Variants in NUDT13 observed in about 807,000 individuals in gnomAD.
The protein encoded by NUDT13 is NAD(P)H pyrophosphatase NUDT13, mitochondrial.
NUDT13 carries 40 observed loss-of-function variants against 41.7 expected under a neutral mutation model. The observed-to-expected ratio is 0.96, with a 90% CI of 0.75 to 1.25. NUDT13 has a LOEUF of 1.25. Ranked by LOEUF, NUDT13 falls within the 50% of genes most tolerant of loss-of-function variation. The pLI is 0.00. For missense variants in NUDT13, 390 were observed against 416.1 expected, an observed-to-expected ratio of 0.94 and a Z score of 0.55; for synonymous variants, 145 against 155.5, an observed-to-expected ratio of 0.93 and a Z score of 0.50.
intron 5 of NUDT13, chr10:73,124,742 A>AT (rs977070058): frequency 2.7e-4 from 56 of 205,724 alleles, no homozygotes; most frequent in African/African-American, 1.3e-3. Flanking sequence ...ACCTCTAAAC[A>AT]TTTTTTTAGT....
intron 1 of NUDT13, among the ~76,000 whole-genome samples, chr10:73,113,801 G>A (rs1564647316): frequency 1.3e-5 from 2 of 152,160 alleles, no homozygotes; most frequent in East Asian, 3.8e-4. Flanking sequence ...TAGTGTCAAA[G>A]CTGGCTTTCC....
intron 5 of NUDT13, 54 bp from the exon 6 acceptor site, chr10:73,125,064 A>G: frequency 6.4e-7 from 1 of 1,550,690 alleles, no homozygotes; most frequent in Non-Finnish European, 8.7e-7. Flanking sequence ...GTGCTGTTAA[A>G]GATGAGCCCC....
At position 73,114,272 on chromosome 10, in the gene NUDT13, G is replaced by C. The variant is rs891401952; in HGVS notation, c.-9-85G>C. The C allele has an allele frequency of 5.5e-6, 3 of 542,272 alleles. No individual in the cohort carries two copies. The African/African-American group carries it at 5.8e-5, about 10-fold the overall frequency. 33.6% of individuals were successfully genotyped at this position (542,272 alleles called of 1,614,324 possible). A position where few individuals can be genotyped will look rare whatever the true frequency, so the allele number is the denominator to read the frequency against. ...AATATTACAGAGTGATCCCATTCTGGCTTAAAGTATAACCCTCTTGGCAAT... is the reference window on the plus strand; with the variant it reads ...AATATTACAGAGTGATCCCATTCTGCCTTAAAGTATAACCCTCTTGGCAAT... On this transcript the variant is annotated intron_variant, in intron 1 of 8. Transcript: ENST00000357321.
intron 2 of NUDT13, chr10:73,119,488 T>G (rs1445672814): frequency 1.0e-6 from 1 of 985,772 alleles, no homozygotes; most frequent in African/African-American, 1.7e-5. Context: ...TGTTTACTCT[T>G]TGTCTGCTGT....
intron 4 of NUDT13, among the ~76,000 whole-genome samples, chr10:73,123,898 A>G (rs1460505852): frequency 6.6e-6 from 1 of 152,002 alleles, no homozygotes; most frequent in African/African-American, 2.4e-5. Context: ...ACCTCAAGTG[A>G]TTCACCCGCC....
chr10:73,124,911 C>A, intron 5 of NUDT13: 1 of 484,160 alleles, frequency 2.1e-6, no homozygotes, highest in South Asian at 4.4e-5. Flanking sequence ...TAAAAATATG[C>A]TTTCTTTTAT....
At chr10:73,126,516 C>A in intron 7 of NUDT13, 157 bp from the exon 8 acceptor site, 1 of 745,204 alleles carries the variant, frequency 1.3e-6, no homozygotes, top group Non-Finnish European at 2.1e-6. Context: ...AGCTCTGGAC[C>A]TGATTCTTAT....
intron 7 of NUDT13, chr10:73,126,158 GT>G: frequency 3.5e-6 from 1 of 281,988 alleles, no homozygotes; most frequent in African/African-American, 2.2e-5. Context: ...TGTTGGGTGT[GT>G]TATAAACAGA....
Position 73,130,958 on chromosome 10 carries a change from A to T in NUDT13, c.*55A>T. On this transcript the variant is annotated 3_prime_UTR_variant, in exon 9 of 9. Transcript: ENST00000357321. Reference sequence around the variant, plus strand: ...GGTATTCCTGAGGGACAAACTAGAGATCAGTTGACAAAGGAGAAGTGACAA... The same window carrying T: ...GGTATTCCTGAGGGACAAACTAGAGTTCAGTTGACAAAGGAGAAGTGACAA... The T allele has an allele frequency of 1.4e-6, 2 of 1,452,310 alleles. No homozygotes were observed. Among genetic ancestry groups the T allele is most frequent in the Non-Finnish European group, 1.9e-6 (2 of 1,038,044 alleles). The allele number at this position is 1,452,310 out of a possible 1,614,324, so 90.0% of individuals were successfully genotyped here. A position where few individuals can be genotyped will look rare whatever the true frequency, so the allele number is the denominator to read the frequency against.
intron 8 of NUDT13, chr10:73,130,344 T>C (rs1842886839): frequency 6.6e-6 from 1 of 152,356 alleles, no homozygotes; most frequent in Admixed American, 6.6e-5. Flanking sequence ...GCGCCTGTAG[T>C]CCCAGCTACT....
chr10:73,125,288 C>T (rs760775909), intron 6 of NUDT13, 45 bp downstream of exon 6: 1 of 1,603,522 alleles, frequency 6.2e-7, no homozygotes, highest in Non-Finnish European at 8.5e-7. Flanking sequence ...AGACTGTGCG[C>T]TGCTTTGTCC....
intron 7 of NUDT13, 37 bp downstream of exon 7, chr10:73,125,546 G>A (rs1842751925): frequency 7.6e-7 from 1 of 1,317,542 alleles, no homozygotes; most frequent in African/African-American, 1.5e-5. Flanking sequence ...GACACTGGAA[G>A]ATATACAATC....
chr10:73,130,505 CAT>C (rs1391536583), intron 8 of NUDT13, 196 bp from the exon 9 acceptor site: 1 of 425,342 alleles, frequency 2.4e-6, no homozygotes, highest in South Asian at 2.2e-5. Context: ...CACACACACA[CAT>C]ATAAAACTCT....
chr10:73,130,812 T>A lies in NUDT13; in HGVS notation c.968T>A (p.Phe323Tyr), dbSNP rs766688649. 2 of 1,612,880 alleles carry A rather than the reference T, an allele frequency of 1.2e-6. No individual in the cohort carries two copies. The highest frequency in any genetic ancestry group is 1.7e-5 in the Admixed American group (1 of 59,986). The change falls in exon 9 of 9, where the codon TTC (phenylalanine) becomes TAC (tyrosine). Residue 323 changes from phenylalanine (F) to tyrosine (Y), a missense_variant. Transcript: ENST00000357321. ...GPYTQQQNGTFPFWLPPKLAI... is the reference protein window; with the variant it reads ...GPYTQQQNGTYPFWLPPKLAI... ...TATACTCAGCAACAGAATGGGACTT[T>A]CCCATTCTGGCTGCCCCCTAAGTTA...
intron 1 of NUDT13, 53 bp downstream of exon 1, chr10:73,110,620 C>T (rs1004785393): frequency 2.0e-5 from 3 of 152,174 alleles, no homozygotes; most frequent in Admixed American, 1.3e-4. Context: ...GGAAGGACTT[C>T]ACAGGGAGGC....
intron 8 of NUDT13, among the ~76,000 whole-genome samples, chr10:73,129,675 TAA>T (rs568746029): frequency 1.7e-4 from 23 of 135,262 alleles, no homozygotes; most frequent in East Asian, 4.3e-4. Flanking sequence ...CCTTACCCTT[TAA>T]AAAAAAAAAA....
At chr10:73,114,554 A>G in intron 2 of NUDT13, 106 bp downstream of exon 2, 2 of 326,324 alleles carry the variant, frequency 6.1e-6, no homozygotes, top group Non-Finnish European at 1.1e-5. Context: ...TTATATATAC[A>G]TTATATATTA....
chr10:73,124,029 T>A (rs1383792617), intron 4 of NUDT13, among the ~76,000 whole-genome samples, 185 bp from the exon 5 acceptor site: 1 of 151,010 alleles, frequency 6.6e-6, no homozygotes, highest in Admixed American at 6.6e-5. Context: ...GAACTCCTAA[T>A]GGCCTCAAGC....
At chr10:73,119,771 G>T (rs1842598281) in intron 2 of NUDT13, among the ~76,000 whole-genome samples, 1 of 152,196 alleles carries the variant, frequency 6.6e-6, no homozygotes, top group South Asian at 2.1e-4. Flanking sequence ...AGAGGAGACA[G>T]ACAAATGAAC....
Sources: gnomAD v4.1 joint callset for allele counts (sites outside exome capture counted in the v4.1 genomes callset) on GRCh38, gnomAD v4.1.1 for gene constraint, MANE v1.5 for transcripts, NCBI Gene and HGNC (gene_info 2026-07-23, HGNC 2026-07-21) for gene names.